TTC39C: variants seen among roughly 807,000 people sequenced by gnomAD.
TTC39C encodes tetratricopeptide repeat domain 39C, also known as tetratricopeptide repeat protein 39C.
Under a neutral mutation model 76.3 loss-of-function variants are expected in TTC39C, and 33 were observed. That is an observed-to-expected ratio of 0.43 (90% confidence interval 0.33 to 0.58). TTC39C has a LOEUF of 0.58. Among genes scored for constraint, TTC39C ranks in the 20% least tolerant of loss-of-function variants. TTC39C has a pLI of 0.04. For synonymous variants in TTC39C, 254 were observed against 260.6 expected (o/e 0.97, Z 0.24); for missense variants, 595 against 701.4 (o/e 0.85, Z 1.71).
At chr18:24,026,099 A>G (rs2083597186) in intron 1 of TTC39C, among the ~76,000 whole-genome samples, 1 of 152,184 alleles carries the variant, frequency 6.6e-6, no homozygotes, top group Non-Finnish European at 1.5e-5. Context: ...GTCCCTTGCC[A>G]TGTGGATGGA....
chr18:24,058,334 A>G (rs2084043425), intron 1 of TTC39C, among the ~76,000 whole-genome samples: 5 of 152,192 alleles, frequency 3.3e-5, no homozygotes, highest in Admixed American at 1.3e-4. Context: ...AATGACAACT[A>G]TATGTGCATA....
intron 1 of TTC39C, among the ~76,000 whole-genome samples, chr18:24,061,593 T>TGAAAA (rs1344347027): frequency 2.1e-5 from 2 of 95,822 alleles, no homozygotes; most frequent in Non-Finnish European, 3.9e-5. Context: ...TTGAAATAAG[T>TGAAAA]AAAAAAAAAA....
At chr18:23,993,568 A>G (rs1229126235) in intron 1 of TTC39C, among the ~76,000 whole-genome samples, 1 of 152,222 alleles carries the variant, frequency 6.6e-6, no homozygotes, top group Admixed American at 6.5e-5. Context: ...TGTCACTGTG[A>G]ATTTCATTAA....
At chr18:24,095,497 G>A (rs1441349267) in intron 6 of TTC39C, among the ~76,000 whole-genome samples, 6 of 152,122 alleles carry the variant, frequency 3.9e-5, no homozygotes, top group Admixed American at 2.6e-4. Context: ...TCAGGAGTTC[G>A]AGACCAACCT....
rs148157115 is a variant in TTC39C at position 24,022,444 on chromosome 18, C to T, written c.167+7406C>T. 1.2e-4 allele frequency: 48 copies of T among 410,902 alleles called. No homozygotes were observed. The East Asian group carries it at 4.0e-3, about 34-fold the overall frequency. 25.5% of individuals were successfully genotyped at this position (410,902 alleles called of 1,614,324 possible). ...CCCTGGGATGTGAAGTGGCCCAACT[C>T]GGGTCTCGCAGCAGTAGTGGGGAGT... On this transcript the variant is annotated intron_variant, in intron 1 of 13. Transcript: ENST00000317571.
chr18:23,995,386 C>T (rs769738719), intron 1 of TTC39C, among the ~76,000 whole-genome samples: 9 of 152,036 alleles, frequency 5.9e-5, no homozygotes, highest in African/African-American at 1.2e-4. Flanking sequence ...ACGAAAATCA[C>T]GCGAATCCAG....
At chr18:24,118,594 G>GT (rs1046159297) in intron 8 of TTC39C, among the ~76,000 whole-genome samples, 4 of 151,192 alleles carry the variant, frequency 2.6e-5, no homozygotes, top group Non-Finnish European at 4.4e-5. Flanking sequence ...AATATGCTAT[G>GT]TTTTTTATTG....
intron 10 of TTC39C, among the ~76,000 whole-genome samples, chr18:24,126,127 C>T (rs1404275913): frequency 6.6e-6 from 1 of 152,070 alleles, no homozygotes; most frequent in East Asian, 1.9e-4. Context: ...ATCGAGGCTG[C>T]AGTGAGCTTT....
chr18:24,034,128 C>T (rs1347730225), intron 1 of TTC39C, among the ~76,000 whole-genome samples: 7 of 152,138 alleles, frequency 4.6e-5, no homozygotes, highest in African/African-American at 1.7e-4. Flanking sequence ...GCAGATGTCC[C>T]AGAGGAGGTG....
chr18:24,125,930 G>T (rs542715674), intron 10 of TTC39C, among the ~76,000 whole-genome samples: 1 of 152,334 alleles, frequency 6.6e-6, no homozygotes, highest in Non-Finnish European at 1.5e-5. Context: ...GTTCACCCCT[G>T]TAATCCCAGC....
intron 1 of TTC39C, among the ~76,000 whole-genome samples, chr18:24,059,410 A>T (rs1295561604): frequency 6.6e-6 from 1 of 151,760 alleles, no homozygotes; most frequent in Non-Finnish European, 1.5e-5. Flanking sequence ...GTTCCCCTCT[A>T]TGTGTCCATA....
chr18:24,058,721 G>A (rs2084050340), intron 1 of TTC39C, among the ~76,000 whole-genome samples: 1 of 152,114 alleles, frequency 6.6e-6, no homozygotes, highest in African/African-American at 2.4e-5. Flanking sequence ...GTAGGCATAC[G>A]TTTAGATTTA....
intron 4 of TTC39C, among the ~76,000 whole-genome samples, chr18:24,077,728 A>G (rs924283830): frequency 8.5e-5 from 13 of 152,204 alleles, no homozygotes; most frequent in African/African-American, 3.1e-4. Flanking sequence ...TTTGTTTTCA[A>G]TTAGATTCCA....
At chr18:24,090,797 C>CTTTT (rs1218689781) in intron 6 of TTC39C, among the ~76,000 whole-genome samples, 6 of 79,524 alleles carry the variant, frequency 7.5e-5, no homozygotes, top group Non-Finnish European at 1.2e-4. Context: ...GATTAATTTA[C>CTTTT]TTTTTTTTTT....
chr18:24,068,884 G>GT (rs2084202835), intron 3 of TTC39C, among the ~76,000 whole-genome samples: 2 of 152,162 alleles, frequency 1.3e-5, no homozygotes, highest in African/African-American at 2.4e-5. Flanking sequence ...AAACTCCGAG[G>GT]TTTTTTGTTG....
At position 24,014,934 on chromosome 18, in the gene TTC39C, G is replaced by T. The variant is rs1255846898; in HGVS notation, c.63G>T (p.Ala21=). The T allele has an allele frequency of 6.6e-7, 1 of 1,512,512 alleles. No individual in the cohort carries two copies. Among genetic ancestry groups the T allele is most frequent in the Non-Finnish European group, 8.9e-7 (1 of 1,129,616 alleles). The allele number at this position is 1,512,512 out of a possible 1,614,324, so 93.7% of individuals were successfully genotyped here. A position where few individuals can be genotyped will look rare whatever the true frequency, so the allele number is the denominator to read the frequency against. ...RRDDGDSDAA[A]AAAAPLQDAE... ...ACGACGGAGACTCGGACGCGGCAGC[G>T]GCGGCGGCGGCGCCCCTGCAGGACG... The change falls in exon 1 of 14, where the codon GCG becomes GCT. Residue 21 remains alanine, a synonymous_variant. Coordinates refer to ENST00000317571, the MANE Select transcript of TTC39C (RefSeq NM_001135993.2).
intron 1 of TTC39C, among the ~76,000 whole-genome samples, chr18:24,027,073 C>G (rs1205122183): frequency 6.6e-6 from 1 of 152,170 alleles, no homozygotes; most frequent in African/African-American, 2.4e-5. Flanking sequence ...AGGTGGGTCA[C>G]TTGAGGTCAG....
Position 24,005,719 on chromosome 18 carries a change from T to A in TTC39C, c.-17+12681T>A, listed in dbSNP as rs956778210. Among the ~76,000 whole-genome samples the A allele has an allele frequency of 2.7e-5, 4 of 149,862 alleles. No homozygotes were observed. The South Asian group carries it at 8.5e-4, about 32-fold the overall frequency. ...AATTAAAAATAAAAATTAGCTGCAG[T>A]GATGTGTAGCCTGCAGTCAGGAGGC... is the stretch of plus-strand genomic sequence containing the variant. On this transcript the variant is annotated intron_variant, in intron 1 of 13. Transcript: ENST00000304621.
At position 24,133,382 on chromosome 18, in the gene TTC39C, G is replaced by A. The variant is rs1023501956; in HGVS notation, c.*808G>A. ...AACCAAGTAAGAGCAAATATTAATA[G>A]AAGATAATTTTACAACTAAAAGTGT... On this transcript the variant is annotated 3_prime_UTR_variant, in exon 14 of 14. Transcript: ENST00000317571. 2.0e-5 allele frequency: 3 copies of A among 152,200 alleles called. No homozygotes were observed. Among genetic ancestry groups the A allele is most frequent in the Non-Finnish European group, 4.4e-5 (3 of 68,040 alleles). 9.4% of individuals were successfully genotyped at this position (152,200 alleles called of 1,614,324 possible). A position where few individuals can be genotyped will look rare whatever the true frequency, so the allele number is the denominator to read the frequency against.
Sources: gnomAD v4.1 joint callset for allele counts (sites outside exome capture counted in the v4.1 genomes callset) on GRCh38, gnomAD v4.1.1 for gene constraint, MANE v1.5 for transcripts, NCBI Gene and HGNC (gene_info 2026-07-23, HGNC 2026-07-21) for gene names.